The following FBXO36 variants were observed in gnomAD, a reference collection of about 807,000 sequenced individuals.
FBXO36 encodes F-box protein 36, also known as F-box only protein 36.
Under a neutral mutation model 17.0 loss-of-function variants are expected in FBXO36, and 18 were observed. That is an observed-to-expected ratio of 1.06 (90% confidence interval 0.73 to 1.57). The LOEUF (loss-of-function observed/expected upper bound fraction) is 1.57, where lower values mean the gene tolerates loss of function less well. Ranked by LOEUF, FBXO36 falls within the 40% of genes most tolerant of loss-of-function variation. The pLI is 0.00. For missense variants in FBXO36, 229 were observed against 221.9 expected, an observed-to-expected ratio of 1.03 and a Z score of -0.20; for synonymous variants, 83 against 85.3, an observed-to-expected ratio of 0.97 and a Z score of 0.15.
chr2:229,936,493 A>G (rs1456056650), intron 1 of FBXO36, among the ~76,000 whole-genome samples: 1 of 152,210 alleles, frequency 6.6e-6, no homozygotes, highest in Non-Finnish European at 1.5e-5. Context: ...GGGGCATTTT[A>G]TAAAGATAGA....
intron 1 of FBXO36, among the ~76,000 whole-genome samples, chr2:229,932,238 GGGCCCGGCAC>G (rs1459265946): frequency 5.3e-5 from 8 of 152,056 alleles, no homozygotes; most frequent in African/African-American, 1.9e-4. Flanking sequence ...AAATTAGCCA[GGGCCCGGCAC>G]GGTGGCTTAC....
intron 1 of FBXO36, among the ~76,000 whole-genome samples, chr2:229,975,469 ATTTT>A (rs67276148): frequency 7.1e-6 from 1 of 140,546 alleles, no homozygotes; most frequent in Admixed American, 7.2e-5. Flanking sequence ...GACCTGATGG[ATTTT>A]TTTTTTTTTT....
intron 2 of FBXO36, among the ~76,000 whole-genome samples, chr2:229,994,289 C>CTT (rs1283850426): frequency 1.9e-4 from 29 of 152,078 alleles, no homozygotes; most frequent in Non-Finnish European, 1.3e-4. Flanking sequence ...AGGGCTATTC[C>CTT]TCACCCCCCA....
chr2:229,928,617 G>T (rs1244334444), intron 1 of FBXO36, among the ~76,000 whole-genome samples: 1 of 152,148 alleles, frequency 6.6e-6, no homozygotes, highest in Non-Finnish European at 1.5e-5. Flanking sequence ...ATTGAATATT[G>T]AATATTGAAT....
intron 2 of FBXO36, among the ~76,000 whole-genome samples, chr2:229,977,330 T>C (rs1237604499): frequency 6.6e-6 from 1 of 152,004 alleles, no homozygotes; most frequent in Non-Finnish European, 1.5e-5. Flanking sequence ...TTCAGTTTGC[T>C]TGCATAAGAA....
At chr2:229,981,020 G>A (rs746801461) in intron 2 of FBXO36, among the ~76,000 whole-genome samples, 7 of 152,156 alleles carry the variant, frequency 4.6e-5, no homozygotes, top group Non-Finnish European at 1.0e-4. Context: ...TTCAGAGGAA[G>A]GAGGAGGGTT....
intron 2 of FBXO36, among the ~76,000 whole-genome samples, chr2:229,983,322 C>T (rs1047372163): frequency 5.3e-5 from 8 of 151,942 alleles, no homozygotes; most frequent in Non-Finnish European, 1.2e-4. Flanking sequence ...TTGCAGTGAG[C>T]CAAGATTACA....
intron 1 of FBXO36, among the ~76,000 whole-genome samples, chr2:229,961,330 A>AT (rs1033576471): frequency 1.3e-5 from 2 of 151,514 alleles, no homozygotes; most frequent in East Asian, 1.9e-4. Flanking sequence ...GCAAGACACA[A>AT]TTTTTTTTCC....
intron 1 of FBXO36, among the ~76,000 whole-genome samples, chr2:229,961,293 T>C (rs1255137470): frequency 6.6e-6 from 1 of 152,200 alleles, no homozygotes; most frequent in African/African-American, 2.4e-5. Context: ...TAATTTATAA[T>C]AGCCTTATAT....
rs532069168 is a variant in FBXO36 at position 229,929,700 on chromosome 2, T to C, written c.96+7091T>C. On this transcript the variant is annotated intron_variant, in intron 1 of 3. Coordinates refer to ENST00000283946, the MANE Select transcript of FBXO36 (RefSeq NM_174899.5). Reference sequence around the variant, plus strand: ...AGCCTGGCCAACATTCTACTAAAAATACAAAAAAATTAGCTGGGAATGGTG... The same window carrying C: ...AGCCTGGCCAACATTCTACTAAAAACACAAAAAAATTAGCTGGGAATGGTG... Among the ~76,000 whole-genome samples, 11 of 143,172 alleles carry C rather than the reference T, an allele frequency of 7.7e-5. No homozygotes were observed. The South Asian group carries it at 2.4e-3, about 31-fold the overall frequency. The allele number at this position is 143,172 out of a possible 152,430, so 93.9% of individuals were successfully genotyped here. A position where few individuals can be genotyped will look rare whatever the true frequency, so the allele number is the denominator to read the frequency against.
intron 1 of FBXO36, among the ~76,000 whole-genome samples, chr2:229,952,046 T>G (rs1044708283): frequency 1.3e-5 from 2 of 152,212 alleles, no homozygotes; most frequent in Non-Finnish European, 2.9e-5. Flanking sequence ...GAAAATGTTT[T>G]TTTCTCCCTA....
intron 3 of FBXO36, among the ~76,000 whole-genome samples, chr2:229,999,369 C>T (rs2077345407): frequency 6.9e-6 from 1 of 144,112 alleles, no homozygotes; most frequent in African/African-American, 2.6e-5. Flanking sequence ...TCAGGTGATC[C>T]ACCCACCTCG....
At chr2:229,998,344 C>T (rs971929092) in intron 3 of FBXO36, among the ~76,000 whole-genome samples, 4 of 151,998 alleles carry the variant, frequency 2.6e-5, no homozygotes, top group South Asian at 4.2e-4. Flanking sequence ...GTGTTATGGC[C>T]GGGCGCGGTG....
intron 2 of FBXO36, among the ~76,000 whole-genome samples, chr2:229,989,868 C>T (rs569613322): frequency 5.9e-5 from 9 of 152,202 alleles, no homozygotes; most frequent in East Asian, 5.8e-4. Context: ...CCACCGCACC[C>T]GGCTCATGAT....
chr2:229,946,003 C>T (rs1025278182), intron 1 of FBXO36, among the ~76,000 whole-genome samples: 2 of 146,634 alleles, frequency 1.4e-5, no homozygotes, highest in Non-Finnish European at 1.5e-5. Flanking sequence ...GCCTGGGTAA[C>T]GAGAGCGAAA....
chr2:229,982,561 C>T (rs948014564), intron 2 of FBXO36, among the ~76,000 whole-genome samples: 5 of 151,940 alleles, frequency 3.3e-5, no homozygotes, highest in South Asian at 2.1e-4. Context: ...AATCCTAGCA[C>T]TTTGGGAGGC....
At chr2:229,936,124 A>G (rs1340967201) in intron 1 of FBXO36, among the ~76,000 whole-genome samples, 2 of 152,158 alleles carry the variant, frequency 1.3e-5, no homozygotes, top group African/African-American at 4.8e-5. Flanking sequence ...CAGAGGTTGC[A>G]GTGAACCGAG....
At chr2:229,929,171 T>C (rs2106152759) in intron 1 of FBXO36, among the ~76,000 whole-genome samples, 1 of 150,696 alleles carries the variant, frequency 6.6e-6, no homozygotes, top group South Asian at 2.1e-4. Flanking sequence ...TGACCTCAAG[T>C]AATCCGCCCG....
chr2:229,929,295 A>G (rs953455966), intron 1 of FBXO36, among the ~76,000 whole-genome samples: 1 of 151,632 alleles, frequency 6.6e-6, no homozygotes, highest in Non-Finnish European at 1.5e-5. Flanking sequence ...TGGGTATGGT[A>G]GCTCACACCT....
Sources: gnomAD v4.1 joint callset for allele counts (sites outside exome capture counted in the v4.1 genomes callset) on GRCh38, gnomAD v4.1.1 for gene constraint, MANE v1.5 for transcripts, NCBI Gene and HGNC (gene_info 2026-07-23, HGNC 2026-07-21) for gene names.